SOD3: variants seen among roughly 807,000 people sequenced by gnomAD.
The protein encoded by SOD3 is superoxide dismutase 3.
In SOD3, 3 loss-of-function variants were observed where a neutral mutation model predicts 2.6. The observed-to-expected ratio is 1.13, with a 90% CI of 0.52 to 2.93. The LOEUF (loss-of-function observed/expected upper bound fraction) is 2.93. Ranked by LOEUF, SOD3 falls within the 30% of genes most tolerant of loss-of-function variation. The probability of loss-of-function intolerance (pLI) is 0.04; values close to 1 mark genes in which losing one functional copy is unlikely to be tolerated. For synonymous variants in SOD3, 188 were observed against 177.5 expected (o/e 1.06, Z -0.47); for missense variants, 379 against 370.4 (o/e 1.02, Z -0.19).
chr4:24,800,235 G>A lies in SOD3; in HGVS notation c.714G>A (p.Lys238=). ...AGCGGCGGCGCGAGAGCGAGTGCAA[G>A]GCCGCCTGAGCGCGGCCCCCACCCG... is the stretch of plus-strand genomic sequence containing the variant. ...RKKRRRESEC[K]AA The change falls in exon 2 of 2, where the codon AAG becomes AAA. Residue 238 remains lysine, a synonymous_variant. Transcript: ENST00000382120. 1 of 1,403,832 alleles carries A rather than the reference G, an allele frequency of 7.1e-7. No homozygotes were observed. Among genetic ancestry groups the A allele is most frequent in the African/African-American group, 1.5e-5 (1 of 65,898 alleles). The allele number at this position is 1,403,832 out of a possible 1,614,324, so 87.0% of individuals were successfully genotyped here.
At chr4:24,796,676 A>G (rs1713675660) in intron 1 of SOD3, among the ~76,000 whole-genome samples, 1 of 142,840 alleles carries the variant, frequency 7.0e-6, no homozygotes, top group Non-Finnish European at 1.5e-5. Context: ...TTGGTCTCAT[A>G]CTCTTGTACT....
At chr4:24,798,987 T>C (rs1165063147) in intron 1 of SOD3, among the ~76,000 whole-genome samples, 1 of 152,190 alleles carries the variant, frequency 6.6e-6, no homozygotes, top group Non-Finnish European at 1.5e-5. Context: ...TGAATAAAAC[T>C]GAGTTTCTGT....
intron 1 of SOD3, among the ~76,000 whole-genome samples, chr4:24,798,344 C>T (rs1490370998): frequency 2.6e-5 from 4 of 152,142 alleles, no homozygotes; most frequent in African/African-American, 2.4e-5. Context: ...CAGAACAGGT[C>T]CCACCCTCCC....
Position 24,800,231 on chromosome 4 carries a change from G to T in SOD3, c.710G>T (p.Cys237Phe), listed in dbSNP as rs1336564232. 2.1e-6 allele frequency: 3 copies of T among 1,409,534 alleles called. No individual in the cohort carries two copies. The highest frequency in any genetic ancestry group is 2.8e-6 in the Non-Finnish European group (3 of 1,087,558). 87.3% of individuals were successfully genotyped at this position (1,409,534 alleles called of 1,614,324 possible). ...AAGAAGCGGCGGCGCGAGAGCGAGT[G>T]CAAGGCCGCCTGAGCGCGGCCCCCA... is the stretch of plus-strand genomic sequence containing the variant. ...ERKKRRRESE[C>F]KAA The change falls in exon 2 of 2, where the codon TGC becomes TTC. Residue 237 changes from cysteine to phenylalanine, a missense_variant. By Grantham distance (205) the Cys-to-Phe change is radical. Transcript: ENST00000382120.
At position 24,799,959 on chromosome 4, in the gene SOD3, C is replaced by T; in HGVS notation, c.438C>T (p.Phe146=). 7 of 1,590,672 alleles carry T rather than the reference C, an allele frequency of 4.4e-6. No homozygotes were observed. The highest frequency in any genetic ancestry group is 6.0e-6 in the Non-Finnish European group (7 of 1,175,914). The change falls in exon 2 of 2, where the codon TTC becomes TTT. Residue 146 remains phenylalanine (F), a synonymous_variant. Coordinates refer to ENST00000382120, the MANE Select transcript of SOD3 (RefSeq NM_003102.4). Reference sequence around the variant, plus strand: ...CGCACCCGCAGCACCCGGGCGACTTCGGCAACTTCGCGGTCCGCGACGGCA... The same window carrying T: ...CGCACCCGCAGCACCCGGGCGACTTTGGCAACTTCGCGGTCCGCGACGGCA... The part of the protein sequence containing the change: ...AVPHPQHPGD[F]GNFAVRDGSL...
Position 24,799,695 on chromosome 4 carries a change from G to T in SOD3, c.174G>T (p.Ala58=). 3.2e-6 allele frequency: 5 copies of T among 1,574,312 alleles called. No individual in the cohort carries two copies. Among genetic ancestry groups the T allele is most frequent in the Middle Eastern group, 1.7e-4 (1 of 6,022 alleles). The part of the protein sequence containing the change: ...EVMQRRDDDG[A]LHAACQVQPS... ...TGCAGCGGCGGGACGACGACGGCGC[G>T]CTCCACGCCGCCTGCCAGGTGCAGC... Residue 58 remains alanine (A), a synonymous_variant, in exon 2 of 2, where the codon GCG becomes GCT. Transcript: ENST00000382120.
chr4:24,799,969 G>C lies in SOD3; in HGVS notation c.448G>C (p.Ala150Pro). The C allele has an allele frequency of 6.3e-7, 1 of 1,587,348 alleles. No individual in the cohort carries two copies. Among genetic ancestry groups the C allele is most frequent in the Non-Finnish European group, 8.5e-7 (1 of 1,174,644 alleles). ...GCACCCGGGCGACTTCGGCAACTTC[G>C]CGGTCCGCGACGGCAGCCTCTGGAG... is the stretch of plus-strand genomic sequence containing the variant. The part of the protein sequence containing the change: ...PQHPGDFGNF[A>P]VRDGSLWRYR... Residue 150 changes from alanine (A) to proline (P), a missense_variant, in exon 2 of 2, where the codon GCG becomes CCG. Physicochemically the swap from Ala to Pro is conservative, Grantham distance 27 (BLOSUM62 -1). Coordinates refer to ENST00000382120, the MANE Select transcript of SOD3 (RefSeq NM_003102.4).
chr4:24,795,866 A>G (rs984052522), intron 1 of SOD3, among the ~76,000 whole-genome samples: 5 of 152,030 alleles, frequency 3.3e-5, no homozygotes, highest in Non-Finnish European at 5.9e-5. Context: ...CCTCCTGTGG[A>G]TCTGCAAAGA....
chr4:24,799,473 C>T (rs1713764553), intron 1 of SOD3, 33 bp from the exon 2 acceptor site: 2 of 1,588,282 alleles, frequency 1.3e-6, no homozygotes, highest in Middle Eastern at 1.8e-4. Flanking sequence ...CTAAGCCTCA[C>T]TCTGCCCCCA....
At chr4:24,799,475 C>T (rs775677229) in intron 1 of SOD3, 31 bp from the exon 2 acceptor site, 8 of 1,588,608 alleles carry the variant, frequency 5.0e-6, no homozygotes, top group Non-Finnish European at 6.0e-6. Flanking sequence ...AAGCCTCACT[C>T]TGCCCCCACC....
At position 24,796,654 on chromosome 4, in the gene SOD3, G is replaced by T. The variant is rs180975947; in HGVS notation, c.-17+1003G>T. On this transcript the variant is annotated intron_variant, in intron 1 of 1. Coordinates refer to ENST00000382120, the MANE Select transcript of SOD3 (RefSeq NM_003102.4). The stretch of plus-strand genomic sequence containing the variant: ...TTTTTTTTTTTTGCTAGAGATGGGG[G>T]TCTCTACCAGGTTGGTCTCATACTC... Among the ~76,000 whole-genome samples, 413 of 149,588 alleles carry T rather than the reference G, an allele frequency of 2.8e-3. 2 individuals carry two copies. Among genetic ancestry groups the T allele is most frequent in the African/African-American group, 9.8e-3 (395 of 40,440 alleles).
intron 1 of SOD3, among the ~76,000 whole-genome samples, chr4:24,797,964 T>C (rs1289608049): frequency 6.6e-6 from 1 of 152,180 alleles, no homozygotes; most frequent in East Asian, 1.9e-4. Flanking sequence ...TAGGTTGGAA[T>C]TGGGATTCAA....
Position 24,796,225 on chromosome 4 carries a change from C to T in SOD3, c.-17+574C>T, listed in dbSNP as rs186490549. Reference sequence around the variant, plus strand: ...CACTGTCCTCTTTCTCTGATAACACCGTCCTCCCTTCCAGATCCACGTACA... The same window carrying T: ...CACTGTCCTCTTTCTCTGATAACACTGTCCTCCCTTCCAGATCCACGTACA... On this transcript the variant is annotated intron_variant, in intron 1 of 1. Transcript: ENST00000382120. 1.3e-4 allele frequency among the ~76,000 whole-genome samples: 20 copies of T among 152,244 alleles called. No individual in the cohort carries two copies. In the East Asian group the frequency reaches 2.7e-3, roughly 21 times the overall value.
chr4:24,799,866 G>GCAC lies in SOD3; in HGVS notation c.348_350dup (p.His116dup). The GCAC allele has an allele frequency of 6.2e-7, 1 of 1,602,858 alleles. No homozygotes were observed. The highest frequency in any genetic ancestry group is 8.5e-7 in the Non-Finnish European group (1 of 1,179,240). ...ACAGCTCCAGCCGCGCCATCCACGT[G>GCAC]CACCAGTTCGGGGACCTGAGCCAGG... is the stretch of plus-strand genomic sequence containing the variant. On this transcript the variant is annotated inframe_insertion, in exon 2 of 2. Transcript: ENST00000382120.
rs531948020 is a variant in SOD3, at chr4:24,800,736, C to A, written c.*492C>A. The A allele has an allele frequency of 1.2e-5, 2 of 161,206 alleles. No individual in the cohort carries two copies. The highest frequency in any genetic ancestry group is 1.3e-4 in the Admixed American group (2 of 15,202). The allele number at this position is 161,206 out of a possible 1,614,324, so 10.0% of individuals were successfully genotyped here. A position where few individuals can be genotyped will look rare whatever the true frequency, so the allele number is the denominator to read the frequency against. ...CGTGCAACGGAAGCCAGGCCAACTG[C>A]CCCGCGTCTTCAGCTGTTTCGCATC... On this transcript the variant is annotated 3_prime_UTR_variant, in exon 2 of 2. Transcript: ENST00000382120.
chr4:24,799,123 G>A (rs778773834), intron 1 of SOD3, among the ~76,000 whole-genome samples: 8 of 152,166 alleles, frequency 5.3e-5, no homozygotes, highest in Non-Finnish European at 7.3e-5. Context: ...CTGTGGGGGA[G>A]GATGGAGGAA....
intron 1 of SOD3, 48 bp from the exon 2 acceptor site, chr4:24,799,458 C>T: frequency 1.3e-6 from 2 of 1,569,328 alleles, no homozygotes; most frequent in East Asian, 2.3e-5. Context: ...CTATGTTTCA[C>T]GTGACTAAGC....
At position 24,800,186 on chromosome 4, in the gene SOD3, C is replaced by T; in HGVS notation, c.665C>T (p.Ala222Val). ...GGGCCCGGGCTCTGGGAGCGCCAGG[C>T]GCGGGAGCACTCAGAGCGCAAGAAG... ...VCGPGLWERQ[A>V]REHSERKKRR... Residue 222 changes from alanine (A) to valine (V), a missense_variant, in exon 2 of 2, where the codon GCG becomes GTG. Coordinates refer to ENST00000382120, the MANE Select transcript of SOD3 (RefSeq NM_003102.4). 1 of 1,427,800 alleles carries T rather than the reference C, an allele frequency of 7.0e-7. No homozygotes were observed. The highest frequency in any genetic ancestry group is 9.1e-7 in the Non-Finnish European group (1 of 1,098,032). The allele number at this position is 1,427,800 out of a possible 1,614,324, so 88.4% of individuals were successfully genotyped here. A position where few individuals can be genotyped will look rare whatever the true frequency, so the allele number is the denominator to read the frequency against.
chr4:24,799,801 G>C lies in SOD3; in HGVS notation c.280G>C (p.Asp94His). 6.3e-7 allele frequency: 1 copy of C among 1,593,110 alleles called. No individual in the cohort carries two copies. The highest frequency in any genetic ancestry group is 8.5e-7 in the Non-Finnish European group (1 of 1,175,862). The change falls in exon 2 of 2, where the codon GAC (aspartate) becomes CAC (histidine). Residue 94 changes from aspartate to histidine, a missense_variant. Transcript: ENST00000382120. ...FRQLAPRAKLDAFFALEGFPT... is the reference protein window; with the variant it reads ...FRQLAPRAKLHAFFALEGFPT... ...GCAGCTTGCGCCCCGCGCCAAGCTCGACGCCTTCTTCGCCCTGGAGGGCTT... is the reference window on the plus strand; with the variant it reads ...GCAGCTTGCGCCCCGCGCCAAGCTCCACGCCTTCTTCGCCCTGGAGGGCTT...
Sources: gnomAD v4.1 joint callset for allele counts (sites outside exome capture counted in the v4.1 genomes callset) on GRCh38, gnomAD v4.1.1 for gene constraint, MANE v1.5 for transcripts, NCBI Gene and HGNC (gene_info 2026-07-23, HGNC 2026-07-21) for gene names.